Variants in CELF2 observed in about 807,000 individuals in gnomAD.
The protein encoded by CELF2 is CUGBP Elav-like family member 2, also known as CUG triplet repeat RNA-binding protein 2.
CELF2 carries 8 observed loss-of-function variants against 62.6 expected under a neutral mutation model. That is an observed-to-expected ratio of 0.13 (90% CI 0.07 to 0.23). The LOEUF is 0.23. CELF2 is among the 10% of genes least tolerant of loss of function. The pLI, the probability that CELF2 is intolerant of heterozygous loss-of-function variation, is 1.00. For missense variants in CELF2, 333 were observed against 671.0 expected (o/e 0.50, Z 5.56); for synonymous variants, 258 against 250.0 (o/e 1.03, Z -0.30).
At chr10:11,104,542 G>A (rs2142825306) in intron 1 of CELF2, among the ~76,000 whole-genome samples, 1 of 152,258 alleles carries the variant, frequency 6.6e-6, no homozygotes, top group Admixed American at 6.5e-5. Flanking sequence ...AATTAGCCAG[G>A]TGTGTGGTGT....
At chr10:11,118,718 CAAAT>C (rs2057097909) in intron 1 of CELF2, among the ~76,000 whole-genome samples, 1 of 152,244 alleles carries the variant, frequency 6.6e-6, no homozygotes, top group Non-Finnish European at 1.5e-5. Context: ...AATGTTAAAG[CAAAT>C]AAATGTCTTA....
chr10:10,745,133 C>CAAAA, the CELF2 span, among the ~76,000 whole-genome samples: 1 of 78,610 alleles, frequency 1.3e-5, no homozygotes, highest in African/African-American at 3.9e-5. Context: ...AAAAACAAAA[C>CAAAA]AAAAAAAAAC....
chr10:10,668,300 C>A, the CELF2 span, among the ~76,000 whole-genome samples: 1 of 152,220 alleles, frequency 6.6e-6, no homozygotes, highest in Non-Finnish European at 1.5e-5. Context: ...TCCCACTGCT[C>A]TGCGTTCCCA....
chr10:10,817,034 G>T (rs1427480287), intron 1 of CELF2, among the ~76,000 whole-genome samples: 1 of 152,198 alleles, frequency 6.6e-6, no homozygotes, highest in Non-Finnish European at 1.5e-5. Flanking sequence ...GCTGAGCCTG[G>T]AAGTTTCCAG....
the CELF2 span, among the ~76,000 whole-genome samples, chr10:10,740,435 G>A: frequency 2.0e-4 from 31 of 151,828 alleles, no homozygotes; most frequent in Middle Eastern, 3.4e-3. Flanking sequence ...TAGATAAAAG[G>A]GAACTCTTAT....
chr10:11,091,247 G>A (rs1376807314), intron 1 of CELF2, among the ~76,000 whole-genome samples: 1 of 152,144 alleles, frequency 6.6e-6, no homozygotes, highest in Admixed American at 6.5e-5. Context: ...TTAATAAGTG[G>A]GCGTTGAGTC....
the CELF2 span, among the ~76,000 whole-genome samples, chr10:10,536,539 T>C: frequency 4.6e-5 from 7 of 152,140 alleles, no homozygotes; most frequent in Non-Finnish European, 5.9e-5. Context: ...AGTATGTCCA[T>C]TTTGTGGCTG....
At chr10:10,695,449 T>G in the CELF2 span, among the ~76,000 whole-genome samples, 4 of 150,846 alleles carry the variant, frequency 2.7e-5, no homozygotes, top group South Asian at 8.5e-4. Context: ...GTTTTTTCCT[T>G]CATTTCAACT....
chr10:11,028,422 CTTTTTTT>C (rs5742072), intron 1 of CELF2, among the ~76,000 whole-genome samples: 3,021 of 135,762 alleles, frequency 0.022, 47 homozygotes, highest in Non-Finnish European at 0.032. Flanking sequence ...TTTTCTTTTT[CTTTTTTT>C]TTTTTTTTGA....
At position 11,039,351 on chromosome 10, in the gene CELF2, C is replaced by G. The variant is rs2061451626; in HGVS notation, c.74+21188C>G. Among the ~76,000 whole-genome samples the G allele has an allele frequency of 6.6e-6, 1 of 152,228 alleles. No individual in the cohort carries two copies. The highest frequency in any genetic ancestry group is 1.5e-5 in the Non-Finnish European group (1 of 68,032). On this transcript the variant is annotated intron_variant, in intron 1 of 12. Transcript: ENST00000633077. The surrounding 1 kb of genome is among the most constrained non-coding windows in gnomAD (Gnocchi z 4.1). The stretch of plus-strand genomic sequence containing the variant: ...GCCAGGATTTGGGATGTAAGCTCAT[C>G]TCAAATGTAGCCCATCAAAGCTATT...
At chr10:10,860,341 T>G (rs542698007) in intron 1 of CELF2, among the ~76,000 whole-genome samples, 1 of 152,290 alleles carries the variant, frequency 6.6e-6, no homozygotes, top group African/African-American at 2.4e-5. Context: ...AAAGGGTCTC[T>G]AGGACCCACA....
At chr10:10,965,253 T>C (rs2049998494) in intron 2 of CELF2, among the ~76,000 whole-genome samples, 1 of 152,160 alleles carries the variant, frequency 6.6e-6, no homozygotes, top group African/African-American at 2.4e-5. Context: ...TAACTTACTG[T>C]CCTTTCAGTT....
At chr10:10,961,313 C>T (rs1369191876) in intron 2 of CELF2, among the ~76,000 whole-genome samples, 1 of 152,004 alleles carries the variant, frequency 6.6e-6, no homozygotes, top group Non-Finnish European at 1.5e-5. Flanking sequence ...ATATTGACTT[C>T]CTGAAGAGAA....
At chr10:11,022,042 T>C (rs371717132) in intron 1 of CELF2, among the ~76,000 whole-genome samples, 1 of 152,240 alleles carries the variant, frequency 6.6e-6, no homozygotes, top group Admixed American at 6.5e-5. Context: ...GGTTCTGTTT[T>C]TCTCCTCCAT....
rs2095629432 is a variant in CELF2 at position 11,324,648 on chromosome 10, C to CTTGAGG, written c.1295-1188_1295-1187insTTGAGG. The stretch of plus-strand genomic sequence containing the variant: ...CAAGAAGTTTTCTTTGTGAAAAGTC[C>CTTGAGG]CAATCATTAGGATACTTTCTTGTGA... On this transcript the variant is annotated intron_variant, in intron 11 of 12. Transcript: ENST00000633077. This position sits in a 1 kb window ranked among gnomAD's most constrained non-coding sequence, Gnocchi z 4.7. Among the ~76,000 whole-genome samples the CTTGAGG allele has an allele frequency of 6.6e-6, 1 of 152,120 alleles. No homozygotes were observed.
chr10:10,765,070 G>C, the CELF2 span, among the ~76,000 whole-genome samples: 1 of 152,278 alleles, frequency 6.6e-6, no homozygotes, highest in Non-Finnish European at 1.5e-5. Flanking sequence ...TGGGGGTGGA[G>C]GGTCACCCAC....
chr10:10,832,887 G>A (rs2057986589), intron 1 of CELF2, among the ~76,000 whole-genome samples: 1 of 152,150 alleles, frequency 6.6e-6, no homozygotes, highest in Admixed American at 6.5e-5. Context: ...AGATGCTTCT[G>A]TTATGAAAAC....
At chr10:10,889,447 T>G (rs2061983900) in intron 1 of CELF2, among the ~76,000 whole-genome samples, 1 of 152,180 alleles carries the variant, frequency 6.6e-6, no homozygotes, top group East Asian at 1.9e-4. Flanking sequence ...TTTTTTGCTG[T>G]CCCTGAGCAA....
At chr10:11,032,744 C>G (rs988986850) in intron 1 of CELF2, among the ~76,000 whole-genome samples, 1 of 152,082 alleles carries the variant, frequency 6.6e-6, no homozygotes, top group South Asian at 2.1e-4. Context: ...AAATAATTGA[C>G]GAAGGTTGCT....
Sources: allele counts gnomAD v4.1 joint callset (sites outside exome capture counted in the v4.1 genomes callset), GRCh38; gene constraint gnomAD v4.1.1; non-coding constraint Gnocchi (gnomAD v3.1); transcripts MANE v1.5; gene names NCBI Gene and HGNC (gene_info 2026-07-23, HGNC 2026-07-21).